Variants in GABRG1 observed in about 807,000 individuals in gnomAD.
GABRG1 encodes gamma-aminobutyric acid receptor subunit gamma-1.
Under a neutral mutation model 49.8 loss-of-function variants are expected in GABRG1, and 49 were observed. That is an observed-to-expected ratio of 0.98 (90% confidence interval 0.78 to 1.25). The LOEUF is 1.25. Ranked by LOEUF, GABRG1 falls within the 50% of genes most tolerant of loss-of-function variation. GABRG1 has a pLI of 0.00. For synonymous variants in GABRG1, 232 were observed against 185.1 expected (o/e 1.25, Z -2.06); for missense variants, 552 against 552.3 (o/e 1.00, Z 0.01).
rs144206985 is a variant in GABRG1 at position 46,043,838 on chromosome 4, T to C, written c.1132-2584A>G. On this transcript the variant is annotated intron_variant, in intron 8 of 8. Transcript: ENST00000295452. ...ATTTTCACTATTAAGGATATATCTC[T>C]GTCTAGTTATATACTAATAAAATAT... Among the ~76,000 whole-genome samples the C allele has an allele frequency of 1.2e-3, 180 of 152,104 alleles. 3 individuals are homozygous for C. In the East Asian group the frequency reaches 0.03, roughly 26 times the overall value.
At chr4:46,095,342 A>G (rs1720131367) in intron 2 of GABRG1, among the ~76,000 whole-genome samples, 1 of 151,832 alleles carries the variant, frequency 6.6e-6, no homozygotes, top group Non-Finnish European at 1.5e-5. Flanking sequence ...ATTCAACTTT[A>G]TGTTCCTAAA....
intron 3 of GABRG1, among the ~76,000 whole-genome samples, 164 bp from the exon 4 acceptor site, chr4:46,065,748 A>C (rs1577643355): frequency 6.6e-6 from 1 of 152,162 alleles, no homozygotes; most frequent in East Asian, 1.9e-4. Flanking sequence ...TTTGAGACAG[A>C]GTCTCGCTCT....
chr4:46,110,858 TAA>T lies in GABRG1; in HGVS notation c.104+12950_104+12951del, dbSNP rs369735916. On this transcript the variant is annotated intron_variant, in intron 1 of 8. Transcript: ENST00000295452. ...CTTGAAGGAACATACCTCAAAATAA[TAA>T]GAGTCATCTATGACAAATCACAGCC... Among the ~76,000 whole-genome samples the T allele has an allele frequency of 2.8e-3, 417 of 151,040 alleles. 1 individual carries two copies. The highest frequency in any genetic ancestry group is 4.2e-3 in the Non-Finnish European group (280 of 67,370).
chr4:46,070,620 G>A (rs1719082237), intron 3 of GABRG1, among the ~76,000 whole-genome samples: 1 of 152,020 alleles, frequency 6.6e-6, no homozygotes, highest in African/African-American at 2.4e-5. Context: ...GCATATAGAT[G>A]CTGACTGATA....
intron 1 of GABRG1, among the ~76,000 whole-genome samples, chr4:46,120,280 C>T (rs1000242468): frequency 6.6e-6 from 1 of 151,788 alleles, no homozygotes; most frequent in South Asian, 2.1e-4. Flanking sequence ...AGTCATTTTT[C>T]AGTTTTTTTT....
intron 8 of GABRG1, among the ~76,000 whole-genome samples, chr4:46,047,094 A>C (rs1449489376): frequency 1.3e-5 from 2 of 152,120 alleles, no homozygotes; most frequent in African/African-American, 2.4e-5. Flanking sequence ...ACTCTTCAAT[A>C]TGATAGCCGT....
rs935132096 is a variant in GABRG1 at position 46,040,155 on chromosome 4, C to G, written c.*833G>C. Reference sequence around the variant, plus strand: ...CATAAAGAAAAAAATAATCATTTCTCTCTGCATTTAATTTGCATTAATGTG... The same window carrying G: ...CATAAAGAAAAAAATAATCATTTCTGTCTGCATTTAATTTGCATTAATGTG... On this transcript the variant is annotated 3_prime_UTR_variant, in exon 9 of 9. Transcript: ENST00000295452. 6.6e-6 allele frequency: 1 copy of G among 151,886 alleles called. No homozygotes were observed. Among genetic ancestry groups the G allele is most frequent in the Non-Finnish European group, 1.5e-5 (1 of 67,878 alleles). The allele number at this position is 151,886 out of a possible 1,614,324, so 9.4% of individuals were successfully genotyped here.
At chr4:46,117,763 CATAT>C (rs1292971843) in intron 1 of GABRG1, among the ~76,000 whole-genome samples, 134 of 137,494 alleles carry the variant, frequency 9.7e-4, no homozygotes, top group African/African-American at 3.5e-3. Flanking sequence ...CATGTATATA[CATAT>C]ACATATATAC....
intron 2 of GABRG1, among the ~76,000 whole-genome samples, chr4:46,095,217 G>T (rs1019257228): frequency 2.6e-5 from 4 of 151,750 alleles, no homozygotes; most frequent in African/African-American, 9.7e-5. Flanking sequence ...GAGATGAAGA[G>T]AAGTCAGAAA....
chr4:46,069,438 A>G (rs940672500), intron 3 of GABRG1, among the ~76,000 whole-genome samples: 4 of 152,088 alleles, frequency 2.6e-5, no homozygotes, highest in Non-Finnish European at 4.4e-5. Context: ...CAGTTTGCTT[A>G]ATTATTGTAA....
rs1282653252 is a variant in GABRG1, at chr4:46,065,461, A to C, written c.445T>G (p.Phe149Val). The change falls in exon 4 of 9, where the codon TTC becomes GTC. Residue 149 changes from phenylalanine to valine, a missense_variant. By Grantham distance (50) the Phe-to-Val change is conservative. Transcript: ENST00000295452. ...TCAGATTTTCTTGAGTTTCTGAAGA[A>C]AGTGTCAGGAATCCAAATTTTTCCA... ...MVGKIWIPDTFFRNSRKSDAH... is the reference protein window; with the variant it reads ...MVGKIWIPDTVFRNSRKSDAH... The C allele has an allele frequency of 1.9e-6, 3 of 1,612,848 alleles. No individual in the cohort carries two copies. Among genetic ancestry groups the C allele is most frequent in the Non-Finnish European group, 2.5e-6 (3 of 1,179,042 alleles).
intron 2 of GABRG1, among the ~76,000 whole-genome samples, chr4:46,089,393 G>A (rs1030990263): frequency 2.0e-5 from 3 of 152,014 alleles, no homozygotes; most frequent in Admixed American, 2.0e-4. Flanking sequence ...ACTATGCCCA[G>A]TTAAAACGTA....
intron 8 of GABRG1, among the ~76,000 whole-genome samples, chr4:46,046,373 T>C (rs1477836534): frequency 6.6e-6 from 1 of 152,102 alleles, no homozygotes; most frequent in African/African-American, 2.4e-5. Context: ...TTGTCACAAC[T>C]GGTACTAACT....
At position 46,039,316 on chromosome 4, in the gene GABRG1, T is replaced by G. The variant is rs919586675; in HGVS notation, c.*1672A>C. 1.3e-5 allele frequency: 2 copies of G among 151,054 alleles called. No individual in the cohort carries two copies. Among genetic ancestry groups the G allele is most frequent in the Non-Finnish European group, 3.0e-5 (2 of 67,574 alleles). 9.4% of individuals were successfully genotyped at this position (151,054 alleles called of 1,614,324 possible). On this transcript the variant is annotated 3_prime_UTR_variant, in exon 9 of 9. Coordinates refer to ENST00000295452, the MANE Select transcript of GABRG1 (RefSeq NM_173536.4). ...ATGCTTATTTTTTTCCAGAAGTTTA[T>G]GAGCAAGTGAAAAAAAAAATAGAGT...
chr4:46,065,626 A>C, intron 3 of GABRG1, 42 bp from the exon 4 acceptor site: 2 of 898,044 alleles, frequency 2.2e-6, no homozygotes, highest in Non-Finnish European at 3.4e-6. Flanking sequence ...TAAAGCTACT[A>C]TTTTAGTTGT....
intron 3 of GABRG1, among the ~76,000 whole-genome samples, chr4:46,083,643 A>C (rs1719651655): frequency 6.6e-6 from 1 of 151,414 alleles, no homozygotes; most frequent in Non-Finnish European, 1.5e-5. Flanking sequence ...TTTCTCTGCC[A>C]GTAAGTCTTT....
Position 46,036,680 on chromosome 4 carries a change from T to C in GABRG1, c.*4308A>G, listed in dbSNP as rs1032928285. On this transcript the variant is annotated 3_prime_UTR_variant, in exon 9 of 9. Transcript: ENST00000295452. ...ATCCCCCATCTCCGCTGAAGACTTG[T>C]GTCACAAGAGTACGGATTTCATCCT... is the stretch of plus-strand genomic sequence containing the variant. The C allele has an allele frequency of 1.8e-4, 28 of 152,058 alleles. No individual in the cohort carries two copies. The highest frequency in any genetic ancestry group is 6.5e-4 in the African/African-American group (27 of 41,554). 9.4% of individuals were successfully genotyped at this position (152,058 alleles called of 1,614,324 possible).
At chr4:46,057,095 A>C (rs1182682456) in intron 7 of GABRG1, among the ~76,000 whole-genome samples, 1 of 152,152 alleles carries the variant, frequency 6.6e-6, no homozygotes, top group Non-Finnish European at 1.5e-5. Context: ...TGGTTAAGTT[A>C]TAGTAGCATA....
intron 1 of GABRG1, among the ~76,000 whole-genome samples, chr4:46,115,772 ATC>A (rs1720865545): frequency 6.6e-6 from 1 of 150,822 alleles, no homozygotes; most frequent in Non-Finnish European, 1.5e-5. Flanking sequence ...AGCACTGTAT[ATC>A]TCTGTTACTT....
Sources: gnomAD v4.1 joint callset for allele counts (sites outside exome capture counted in the v4.1 genomes callset) on GRCh38, gnomAD v4.1.1 for gene constraint, MANE v1.5 for transcripts, NCBI Gene and HGNC (gene_info 2026-07-23, HGNC 2026-07-21) for gene names.